C2orf49: variants seen among roughly 807,000 people sequenced by gnomAD.
C2orf49 encodes tRNA-splicing ligase complex subunit ASW.
Under a neutral mutation model 20.6 loss-of-function variants are expected in C2orf49, and 11 were observed. The ratio of observed to expected loss-of-function variants is 0.53; its 90% CI spans 0.34 to 0.88. The LOEUF is 0.88. Among genes scored for constraint, C2orf49 ranks in the 40% least tolerant of loss-of-function variants. The pLI is 0.02. For missense variants in C2orf49, 289 were observed against 274.2 expected (o/e 1.05, Z -0.38); for synonymous variants, 134 against 108.5 (o/e 1.24, Z -1.46).
downstream of C2orf49, among the ~76,000 whole-genome samples, chr2:105,352,000 G>A (rs1679946625): frequency 1.3e-5 from 2 of 152,058 alleles, no homozygotes; most frequent in Non-Finnish European, 1.5e-5. Flanking sequence ...GACTTCCCTT[G>A]CATGTCTGGA....
At chr2:105,373,049 T>G in the C2orf49 span, among the ~76,000 whole-genome samples, 1 of 152,192 alleles carries the variant, frequency 6.6e-6, no homozygotes, top group Non-Finnish European at 1.5e-5. Flanking sequence ...CTGGCCCAGT[T>G]GCGGCTGTGC....
the C2orf49 span, chr2:105,375,129 AAGTATG>A: frequency 7.7e-6 from 1 of 130,228 alleles, no homozygotes; most frequent in African/African-American, 3.0e-5. Flanking sequence ...TCTTTTGCTG[AAGTATG>A]TGTGTGTGTG....
Position 105,346,889 on chromosome 2 carries a change from C to G in C2orf49, c.*1518C>G, listed in dbSNP as rs1679826925. 6.6e-6 allele frequency: 1 copy of G among 152,146 alleles called. No homozygotes were observed. Among genetic ancestry groups the G allele is most frequent in the South Asian group, 2.1e-4 (1 of 4,832 alleles). 9.4% of individuals were successfully genotyped at this position (152,146 alleles called of 1,614,324 possible). On this transcript the variant is annotated 3_prime_UTR_variant, in exon 4 of 4. Coordinates refer to ENST00000258457, the MANE Select transcript of C2orf49 (RefSeq NM_024093.3). ...ACCTTATATTCATGAGTTCTAGTTT[C>G]TACTGTTCTGCTATGTGTTTCTAAG...
chr2:105,344,035 A>G (rs1359866242), intron 3 of C2orf49, among the ~76,000 whole-genome samples: 1 of 152,166 alleles, frequency 6.6e-6, no homozygotes, highest in African/African-American at 2.4e-5. Flanking sequence ...GGAAAAAGAA[A>G]ACCACCTGAC....
the C2orf49 span, chr2:105,367,447 G>T: frequency 1.0e-6 from 1 of 973,184 alleles, no homozygotes; most frequent in Non-Finnish European, 1.5e-6. Context: ...GGCAGGACAG[G>T]CACAGCTCCC....
chr2:105,368,701 C>T, the C2orf49 span, among the ~76,000 whole-genome samples: 2 of 152,192 alleles, frequency 1.3e-5, no homozygotes, highest in African/African-American at 4.8e-5. Context: ...TGTTGACTGA[C>T]ATTTTTTCAT....
chr2:105,358,180 T>C, the C2orf49 span: 8 of 152,216 alleles, frequency 5.3e-5, no homozygotes, highest in Admixed American at 3.3e-4. Context: ...AGATGTCTTA[T>C]TGTTTTTGAC....
intron 1 of C2orf49, among the ~76,000 whole-genome samples, chr2:105,339,285 T>C (rs1679599556): frequency 6.6e-6 from 1 of 152,254 alleles, no homozygotes; most frequent in Non-Finnish European, 1.5e-5. Flanking sequence ...CAATCCCCTT[T>C]GTATATTAAG....
Position 105,339,738 on chromosome 2 carries a change from T to G in C2orf49, c.255T>G (p.Asn85Lys). ...AAAGAGAACAACATGAGATTAAAAA[T>G]GAGACTAAAAGGTACTTTTTGGTGG... ...EKKREQHEIK[N>K]ETKRSSTVDG... is the part of the protein sequence containing the mutation. Residue 85 changes from asparagine (N) to lysine (K), a missense_variant, in exon 2 of 4, where the codon AAT (asparagine) becomes AAG (lysine). Coordinates refer to ENST00000258457, the MANE Select transcript of C2orf49 (RefSeq NM_024093.3). The G allele has an allele frequency of 6.3e-7, 1 of 1,594,394 alleles. No individual in the cohort carries two copies. The highest frequency in any genetic ancestry group is 8.5e-7 in the Non-Finnish European group (1 of 1,175,322).
chr2:105,382,499 G>A, the C2orf49 span, among the ~76,000 whole-genome samples: 7 of 152,096 alleles, frequency 4.6e-5, no homozygotes, highest in Non-Finnish European at 1.5e-5. Flanking sequence ...AGGCCTCAGC[G>A]GCTACTCCAT....
chr2:105,366,207 C>T, the C2orf49 span, among the ~76,000 whole-genome samples: 1 of 150,396 alleles, frequency 6.6e-6, no homozygotes, highest in South Asian at 2.1e-4. Context: ...GAGATTCTGT[C>T]TCAAAAAAAG....
rs1186840062 is a variant in C2orf49, at chr2:105,337,541, T to A, written c.-47T>A. On this transcript the variant is annotated 5_prime_UTR_variant, in exon 1 of 4. Transcript: ENST00000258457. ...AGTACGTCACTTCCGCAACGCTTCC[T>A]TCGCGGGGCTTTGTGGGTAGCCGAC... is the stretch of plus-strand genomic sequence containing the variant. The A allele has an allele frequency of 6.2e-7, 1 of 1,612,014 alleles. No individual in the cohort carries two copies. Among genetic ancestry groups the A allele is most frequent in the Admixed American group, 1.7e-5 (1 of 59,918 alleles).
the C2orf49 span, chr2:105,359,358 T>C: frequency 6.6e-6 from 1 of 152,330 alleles, no homozygotes; most frequent in Admixed American, 6.5e-5. Context: ...AATTATTCTT[T>C]TTAAGCAAAA....
In C2orf49 at chr2:105,337,695, CG is replaced by C; in HGVS notation, c.99+10del. ...TCCTCACTCTGGAGCAGGTTGGGCG[CG>C]CCGGATCGGAGGGTGGGCGGGTGGG... On this transcript the variant is annotated intron_variant, in intron 1 of 3. Coordinates refer to ENST00000258457, the MANE Select transcript of C2orf49 (RefSeq NM_024093.3). The C allele has an allele frequency of 3.5e-6, 1 of 284,294 alleles. No individual in the cohort carries two copies. The highest frequency in any genetic ancestry group is 5.1e-6 in the Non-Finnish European group (1 of 196,004). The allele number at this position is 284,294 out of a possible 1,614,324, so 17.6% of individuals were successfully genotyped here. A position where few individuals can be genotyped will look rare whatever the true frequency, so the allele number is the denominator to read the frequency against.
At position 105,343,140 on chromosome 2, in the gene C2orf49, G is replaced by A; in HGVS notation, c.559G>A (p.Val187Met). 6.2e-7 allele frequency: 1 copy of A among 1,614,164 alleles called. No homozygotes were observed. The highest frequency in any genetic ancestry group is 1.3e-5 in the African/African-American group (1 of 75,058). ...GCATAGGAAAAGTCCTTCAGGCCCT[G>A]TGAAGTCGCCACCATTGTCCCCTGT... ...LTHRKSPSGPVKSPPLSPVGT... is the reference protein window; with the variant it reads ...LTHRKSPSGPMKSPPLSPVGT... The change falls in exon 3 of 4, where the codon GTG (valine) becomes ATG (methionine). Residue 187 changes from valine (V) to methionine (M), a missense_variant. Transcript: ENST00000258457.
At position 105,345,437 on chromosome 2, in the gene C2orf49, A is replaced by G; in HGVS notation, c.*66A>G. ...TTTTCAAATATGTTCATATATATTG[A>G]CAATATTTACAGAAATCCTGATTAT... is the stretch of plus-strand genomic sequence containing the variant. On this transcript the variant is annotated 3_prime_UTR_variant, in exon 4 of 4. Coordinates refer to ENST00000258457, the MANE Select transcript of C2orf49 (RefSeq NM_024093.3). The G allele has an allele frequency of 1.7e-6, 2 of 1,186,420 alleles. No homozygotes were observed. Among genetic ancestry groups the G allele is most frequent in the Non-Finnish European group, 2.5e-6 (2 of 815,308 alleles). The allele number at this position is 1,186,420 out of a possible 1,614,324, so 73.5% of individuals were successfully genotyped here.
the C2orf49 span, among the ~76,000 whole-genome samples, chr2:105,365,397 A>G: frequency 4.6e-5 from 7 of 152,206 alleles, no homozygotes; most frequent in South Asian, 4.1e-4. Context: ...TTTAATGAAC[A>G]TGCACACAAA....
Position 105,346,959 on chromosome 2 carries a change from C to G in C2orf49, c.*1588C>G, listed in dbSNP as rs1226472793. The G allele has an allele frequency of 1.3e-5, 2 of 152,152 alleles. No homozygotes were observed. The highest frequency in any genetic ancestry group is 2.9e-5 in the Non-Finnish European group (2 of 68,016). 9.4% of individuals were successfully genotyped at this position (152,152 alleles called of 1,614,324 possible). On this transcript the variant is annotated 3_prime_UTR_variant, in exon 4 of 4. Coordinates refer to ENST00000258457, the MANE Select transcript of C2orf49 (RefSeq NM_024093.3). ...ATACTTTTTTCGTTATATGATTGATCTTCAAATTGGGATTTACCTTTTTCA... is the reference window on the plus strand; with the variant it reads ...ATACTTTTTTCGTTATATGATTGATGTTCAAATTGGGATTTACCTTTTTCA...
chr2:105,352,690 C>T (rs1177055196), downstream of C2orf49, among the ~76,000 whole-genome samples: 1 of 151,918 alleles, frequency 6.6e-6, no homozygotes, highest in Non-Finnish European at 1.5e-5. Context: ...GTGATCTGCC[C>T]GTCTCGGCCT....
Sources: allele counts gnomAD v4.1 joint callset (sites outside exome capture counted in the v4.1 genomes callset), GRCh38; gene constraint gnomAD v4.1.1; transcripts MANE v1.5; gene names NCBI Gene and HGNC (gene_info 2026-07-23, HGNC 2026-07-21).